Variants in SNTG2 observed in about 807,000 individuals in gnomAD.
The protein encoded by SNTG2 is syntrophin gamma 2.
A neutral mutation model predicts 70.9 loss-of-function variants in SNTG2; 74 were observed. The ratio of observed to expected loss-of-function variants is 1.04; its 90% CI spans 0.86 to 1.27. SNTG2 has a LOEUF of 1.27. Among genes scored for constraint, SNTG2 ranks in the 50% most tolerant of loss-of-function variants. The pLI is 0.00. For synonymous variants in SNTG2, 278 were observed against 273.8 expected (o/e 1.02, Z -0.15); for missense variants, 717 against 690.7 (o/e 1.04, Z -0.43).
At chr2:1,074,527 GGTATT>G (rs1363193601) in intron 1 of SNTG2, among the ~76,000 whole-genome samples, 1 of 152,052 alleles carries the variant, frequency 6.6e-6, no homozygotes, top group African/African-American at 2.4e-5. Flanking sequence ...ATTTGATAAA[GGTATT>G]GTTAAGTAAT....
At chr2:1,321,746 A>G (rs1283808499) in intron 16 of SNTG2, among the ~76,000 whole-genome samples, 1 of 152,230 alleles carries the variant, frequency 6.6e-6, no homozygotes, top group Non-Finnish European at 1.5e-5. Context: ...ATCAAAAGGA[A>G]GAGCATAAAC....
chr2:1,294,092 AC>A (rs1680100729), intron 14 of SNTG2, among the ~76,000 whole-genome samples: 1 of 152,066 alleles, frequency 6.6e-6, no homozygotes, highest in Non-Finnish European at 1.5e-5. Flanking sequence ...CACTCTGCAT[AC>A]CCCTGCAATC....
chr2:1,283,148 C>T (rs115524727), intron 14 of SNTG2, among the ~76,000 whole-genome samples: 1,930 of 152,170 alleles, frequency 0.013, 46 homozygotes, highest in African/African-American at 0.045. Flanking sequence ...CTGCTCCTTC[C>T]GGGAAAGGCA....
chr2:1,093,114 G>A (rs1347048678), intron 2 of SNTG2, among the ~76,000 whole-genome samples: 2 of 152,142 alleles, frequency 1.3e-5, no homozygotes, highest in Non-Finnish European at 2.9e-5. Flanking sequence ...AGGAGGCCGT[G>A]ATTATGGGGG....
At chr2:1,262,358 A>G (rs1397063101) in intron 13 of SNTG2, among the ~76,000 whole-genome samples, 1 of 152,164 alleles carries the variant, frequency 6.6e-6, no homozygotes, top group Non-Finnish European at 1.5e-5. Context: ...CCATCCTTCC[A>G]CAGGGACAGG....
intron 4 of SNTG2, among the ~76,000 whole-genome samples, chr2:1,116,385 AC>A (rs1666966340): frequency 6.6e-6 from 1 of 152,168 alleles, no homozygotes; most frequent in Admixed American, 6.5e-5. Flanking sequence ...GTGGCTGCTC[AC>A]CCGTGGCCCT....
chr2:1,109,498 A>G (rs1174697598), intron 4 of SNTG2, among the ~76,000 whole-genome samples: 1 of 152,138 alleles, frequency 6.6e-6, no homozygotes, highest in Non-Finnish European at 1.5e-5. Context: ...AAAACATATG[A>G]AATGGGCAAG....
chr2:1,183,540 G>A (rs978111608), intron 8 of SNTG2, among the ~76,000 whole-genome samples: 1 of 152,132 alleles, frequency 6.6e-6, no homozygotes, highest in Admixed American at 6.5e-5. Context: ...CAGTAAGGCT[G>A]GACAGATAGA....
intron 12 of SNTG2, among the ~76,000 whole-genome samples, chr2:1,254,279 G>A (rs541199024): frequency 2.9e-4 from 44 of 152,330 alleles, no homozygotes; most frequent in African/African-American, 9.4e-4. Context: ...ACCAGGAGAT[G>A]CTGGAAGAGC....
intron 9 of SNTG2, among the ~76,000 whole-genome samples, chr2:1,231,192 G>A (rs1018549474): frequency 6.6e-5 from 10 of 151,688 alleles, no homozygotes; most frequent in African/African-American, 2.2e-4. Flanking sequence ...GGGTCACTGC[G>A]AGGGTGAAAT....
At chr2:1,234,257 C>T (rs184700556) in intron 9 of SNTG2, among the ~76,000 whole-genome samples, 31 of 152,300 alleles carry the variant, frequency 2.0e-4, no homozygotes, top group Non-Finnish European at 3.7e-4. Flanking sequence ...ACTAGTTACC[C>T]GGCTTCTATA....
chr2:1,276,371 T>C (rs906036282), intron 14 of SNTG2, among the ~76,000 whole-genome samples: 6 of 152,212 alleles, frequency 3.9e-5, no homozygotes, highest in East Asian at 1.9e-4. Context: ...AGACTTTAAG[T>C]TGAAGTGAAG....
At chr2:1,184,237 G>A (rs1410284656) in intron 8 of SNTG2, among the ~76,000 whole-genome samples, 3 of 152,120 alleles carry the variant, frequency 2.0e-5, no homozygotes, top group African/African-American at 7.2e-5. Flanking sequence ...ACAAGTAACT[G>A]AAAACACATT....
intron 1 of SNTG2, among the ~76,000 whole-genome samples, chr2:978,696 C>T (rs531224345): frequency 7.2e-4 from 110 of 152,190 alleles, no homozygotes; most frequent in African/African-American, 2.5e-3. Context: ...ATTTTCTGAC[C>T]TATGAGGATA....
intron 4 of SNTG2, among the ~76,000 whole-genome samples, chr2:1,098,833 G>A (rs372575013): frequency 2.4e-4 from 37 of 152,326 alleles, no homozygotes; most frequent in African/African-American, 8.4e-4. Context: ...AGCTGACCGC[G>A]CTCAGGTGGG....
intron 1 of SNTG2, among the ~76,000 whole-genome samples, chr2:1,005,846 TA>T (rs1659552219): frequency 1.4e-4 from 3 of 21,096 alleles, no homozygotes; most frequent in African/African-American, 5.0e-4. Context: ...TATATATATA[TA>T]TATATATATA....
intron 1 of SNTG2, among the ~76,000 whole-genome samples, chr2:1,032,873 G>T (rs1660916525): frequency 6.6e-6 from 1 of 152,210 alleles, no homozygotes; most frequent in South Asian, 2.1e-4. Context: ...AGGTTTATTT[G>T]GCTCACAGTT....
intron 7 of SNTG2, among the ~76,000 whole-genome samples, chr2:1,166,956 T>C (rs1220164458): frequency 6.6e-6 from 1 of 152,140 alleles, no homozygotes; most frequent in Admixed American, 6.5e-5. Context: ...CCATGCCCCT[T>C]CTGGCTCTCC....
At chr2:1,135,147 C>G (rs1335373023) in intron 4 of SNTG2, among the ~76,000 whole-genome samples, 2 of 152,190 alleles carry the variant, frequency 1.3e-5, no homozygotes, top group African/African-American at 4.8e-5. Context: ...CAAAATAGAC[C>G]TCACTGCGTT....
Sources: gnomAD v4.1 joint callset for allele counts (sites outside exome capture counted in the v4.1 genomes callset) on GRCh38, gnomAD v4.1.1 for gene constraint, MANE v1.5 for transcripts, NCBI Gene and HGNC (gene_info 2026-07-23, HGNC 2026-07-21) for gene names.